The following LPIN2 variants were observed in gnomAD, a reference collection of about 807,000 sequenced individuals.
The protein encoded by LPIN2 is lipin 2, also known as phosphatidate phosphatase LPIN2.
Under a neutral mutation model 111.4 loss-of-function variants are expected in LPIN2, and 55 were observed. The ratio of observed to expected loss-of-function variants is 0.49; its 90% CI spans 0.40 to 0.62. LPIN2 has a LOEUF of 0.62. LPIN2 is among the 20% of genes least tolerant of loss of function. LPIN2 has a pLI of 0.00. For synonymous variants in LPIN2, 425 were observed against 414.0 expected, an observed-to-expected ratio of 1.03 and a Z score of -0.32; for missense variants, 992 against 1,112.1, an observed-to-expected ratio of 0.89 and a Z score of 1.54.
At chr18:2,921,113 G>A (rs1598518050) in intron 18 of LPIN2, 6 of 595,784 alleles carry the variant, frequency 1.0e-5, no homozygotes, top group South Asian at 5.8e-5. Context: ...GGTCCCTGGC[G>A]CAGAAGAGGC....
At chr18:2,960,214 G>A (rs1229620740) in intron 2 of LPIN2, among the ~76,000 whole-genome samples, 1 of 146,924 alleles carries the variant, frequency 6.8e-6, no homozygotes, top group Non-Finnish European at 1.5e-5. Context: ...GTGTGTGTGT[G>A]TGTGTTCTTG....
Position 2,956,592 on chromosome 18 carries a change from T to C in LPIN2, c.193-1993A>G, listed in dbSNP as rs143547779. On this transcript the variant is annotated intron_variant, in intron 2 of 19. Transcript: ENST00000677752. ...ACTGATGGGAGCATTTCAAAGGAACTCAACTTGAAGGACATACACTAACAG... is the reference window on the plus strand; with the variant it reads ...ACTGATGGGAGCATTTCAAAGGAACCCAACTTGAAGGACATACACTAACAG... Among the ~76,000 whole-genome samples the C allele has an allele frequency of 2.1e-3, 317 of 152,308 alleles. 1 individual carries two copies. Among genetic ancestry groups the C allele is most frequent in the African/African-American group, 7.2e-3 (300 of 41,558 alleles).
At chr18:2,946,048 G>A in intron 4 of LPIN2, 1 of 1,421,610 alleles carries the variant, frequency 7.0e-7, no homozygotes, top group South Asian at 1.1e-5. Context: ...ACCCCGATAT[G>A]TCTTTGAACA....
intron 5 of LPIN2, 110 bp from the exon 6 acceptor site, chr18:2,939,713 A>C (rs1232715826): frequency 8.4e-7 from 1 of 1,194,812 alleles, no homozygotes; most frequent in Non-Finnish European, 1.2e-6. Context: ...TTTATCCTGC[A>C]TATATAAAAA....
chr18:2,968,034 C>T (rs2077835273), intron 1 of LPIN2, among the ~76,000 whole-genome samples: 1 of 152,186 alleles, frequency 6.6e-6, no homozygotes, highest in African/African-American at 2.4e-5. Context: ...ACACTCACCG[C>T]TCCTAGACCT....
intron 1 of LPIN2, among the ~76,000 whole-genome samples, chr18:3,002,014 T>C (rs1000335087): frequency 6.6e-5 from 10 of 152,092 alleles, no homozygotes; most frequent in African/African-American, 2.2e-4. Context: ...GACCTGTAGG[T>C]ATGTCTCATT....
intron 1 of LPIN2, among the ~76,000 whole-genome samples, chr18:2,969,801 C>T (rs934655546): frequency 3.9e-5 from 6 of 152,140 alleles, no homozygotes; most frequent in Admixed American, 2.0e-4. Flanking sequence ...GACAGACACC[C>T]AAGTTTGGGA....
At chr18:2,938,261 C>T (rs367570211) in intron 6 of LPIN2, among the ~76,000 whole-genome samples, 4 of 152,172 alleles carry the variant, frequency 2.6e-5, no homozygotes, top group Non-Finnish European at 4.4e-5. Context: ...CAGTGGCTCA[C>T]GCCTATAATC....
chr18:2,948,266 G>T, intron 4 of LPIN2: 1 of 152,296 alleles, frequency 6.6e-6, no homozygotes, highest in Non-Finnish European at 1.5e-5. Context: ...TAGCTTACGT[G>T]TGTTGTGACA....
intron 1 of LPIN2, among the ~76,000 whole-genome samples, chr18:2,975,131 C>A (rs1268916245): frequency 6.6e-6 from 1 of 152,184 alleles, no homozygotes; most frequent in East Asian, 1.9e-4. Context: ...AGAGAAGCAA[C>A]TTATCTATAG....
rs2077117698 is a variant in LPIN2, at chr18:2,925,477, G to T, written c.1794-109C>A. 2.1e-6 allele frequency: 3 copies of T among 1,431,348 alleles called. No individual in the cohort carries two copies. The highest frequency in any genetic ancestry group is 1.9e-6 in the Non-Finnish European group (2 of 1,028,154). 88.7% of individuals were successfully genotyped at this position (1,431,348 alleles called of 1,614,324 possible). On this transcript the variant is annotated intron_variant, in intron 13 of 19. Coordinates refer to ENST00000677752, the MANE Select transcript of LPIN2 (RefSeq NM_001375808.2). This position sits in a 1 kb window ranked among gnomAD's most constrained non-coding sequence, Gnocchi z 4.1. ...GATATCCTAAATCTTTTCTAGGAAT[G>T]GGTAGAGTTATCCCTTCTGCCATTC... is the stretch of plus-strand genomic sequence containing the variant.
chr18:2,965,763 G>A (rs576033621), intron 1 of LPIN2, among the ~76,000 whole-genome samples: 4 of 143,502 alleles, frequency 2.8e-5, no homozygotes, highest in South Asian at 2.2e-4. Flanking sequence ...TCAGTAAATA[G>A]GTTCAAATAC....
At chr18:2,922,264 A>C (rs1357202892) in intron 16 of LPIN2, 65 bp from the exon 17 acceptor site, 4 of 1,555,376 alleles carry the variant, frequency 2.6e-6, no homozygotes, top group Non-Finnish European at 3.5e-6. Flanking sequence ...CAAAAAACAA[A>C]AAAAAAACCC....
intron 1 of LPIN2, among the ~76,000 whole-genome samples, chr18:2,965,933 AT>A (rs1568584270): frequency 6.6e-6 from 1 of 152,056 alleles, no homozygotes; most frequent in Non-Finnish European, 1.5e-5. Context: ...GACACATTCT[AT>A]TTACTTTTAT....
chr18:2,922,003 A>G, intron 17 of LPIN2, 44 bp downstream of exon 17: 1 of 1,594,170 alleles, frequency 6.3e-7, no homozygotes, highest in East Asian at 2.2e-5. Flanking sequence ...AGCCCCGCCC[A>G]CATGCTGGGG....
chr18:2,923,598 G>A (rs537828366), intron 16 of LPIN2, among the ~76,000 whole-genome samples, 177 bp downstream of exon 16: 1 of 152,112 alleles, frequency 6.6e-6, no homozygotes, highest in Non-Finnish European at 1.5e-5. Flanking sequence ...CAGGTTCGAT[G>A]CCAATGCCAG....
chr18:2,929,035 T>C lies in LPIN2; in HGVS notation c.1550+30A>G, dbSNP rs767939755. On this transcript the variant is annotated intron_variant, in intron 10 of 19. Coordinates refer to ENST00000677752, the MANE Select transcript of LPIN2 (RefSeq NM_001375808.2). ...CACTTGTAAAAAAACTGCAAGAGTA[T>C]TTAACAATTATAAAAGCAGGAGTAT... is the stretch of plus-strand genomic sequence containing the variant. The C allele has an allele frequency of 8.7e-6, 12 of 1,373,866 alleles. No homozygotes were observed. In the African/African-American group the frequency reaches 1.6e-4, roughly 18 times the overall value. 85.1% of individuals were successfully genotyped at this position (1,373,866 alleles called of 1,614,324 possible).
At position 2,922,079 on chromosome 18, in the gene LPIN2, C is replaced by A. The variant is rs780877332; in HGVS notation, c.2295G>T (p.Leu765=). ...GTILPRGPLM[L]SPSSLFSAFH... is the part of the protein sequence containing the mutation. ...AGGCGGAGAACAAGCTGCTGGGGGA[C>A]AGCATCAGGGGGCCCCGGGGCAAGA... is the stretch of plus-strand genomic sequence containing the variant. Residue 765 remains leucine, a synonymous_variant, in exon 17 of 20, where the codon CTG becomes CTT. Coordinates refer to ENST00000677752, the MANE Select transcript of LPIN2 (RefSeq NM_001375808.2). The A allele has an allele frequency of 1.9e-6, 3 of 1,613,650 alleles. No individual in the cohort carries two copies. The African/African-American group carries it at 4.0e-5, about 22-fold the overall frequency.
chr18:2,944,333 C>A (rs1388046288), intron 4 of LPIN2, among the ~76,000 whole-genome samples: 213 of 51,348 alleles, frequency 4.1e-3, no homozygotes, highest in Non-Finnish European at 7.2e-3. Flanking sequence ...TTTCCACAAA[C>A]TTTTTTTTTT....
Sources: gnomAD v4.1 joint callset for allele counts (sites outside exome capture counted in the v4.1 genomes callset) on GRCh38, gnomAD v4.1.1 for gene constraint, Gnocchi (gnomAD v3.1) non-coding constraint, MANE v1.5 for transcripts, NCBI Gene and HGNC (gene_info 2026-07-23, HGNC 2026-07-21) for gene names.